Variants in CTNNA3 observed in about 807,000 individuals in gnomAD.
The protein encoded by CTNNA3 is catenin alpha 3.
CTNNA3 carries 76 observed loss-of-function variants against 95.7 expected under a neutral mutation model. The observed-to-expected ratio is 0.79, with a 90% confidence interval of 0.66 to 0.96. The LOEUF (loss-of-function observed/expected upper bound fraction) is 0.96. Ranked by LOEUF, CTNNA3 falls within the 40% of genes least tolerant of loss-of-function variation. CTNNA3 has a pLI of 0.00. For missense variants in CTNNA3, 1,191 were observed against 1,089.8 expected (o/e 1.09, Z -1.31); for synonymous variants, 431 against 374.4 (o/e 1.15, Z -1.74).
chr10:67,706,529 C>T (rs578243972), intron 1 of CTNNA3, among the ~76,000 whole-genome samples: 2 of 151,906 alleles, frequency 1.3e-5, no homozygotes, highest in South Asian at 2.1e-4. Flanking sequence ...CTTGAAGATA[C>T]CAGAGCAGAA....
intron 5 of CTNNA3, among the ~76,000 whole-genome samples, chr10:67,349,596 T>G (rs1421305913): frequency 4.6e-5 from 7 of 152,172 alleles, no homozygotes; most frequent in Non-Finnish European, 1.0e-4. Context: ...AAGTTTCAAT[T>G]AATCAAGATA....
chr10:66,043,134 G>GAAAA (rs60278132), intron 15 of CTNNA3, among the ~76,000 whole-genome samples: 12 of 102,924 alleles, frequency 1.2e-4, no homozygotes, highest in East Asian at 2.8e-4. Context: ...TCCGGGTAAT[G>GAAAA]AAAAAAAAAA....
At chr10:67,129,528 CCCA>C (rs1314313531) in intron 7 of CTNNA3, among the ~76,000 whole-genome samples, 1 of 151,986 alleles carries the variant, frequency 6.6e-6, no homozygotes, top group East Asian at 1.9e-4. Context: ...ATAGGATTTC[CCCA>C]CGTCTACATA....
intron 15 of CTNNA3, among the ~76,000 whole-genome samples, chr10:66,054,017 A>G (rs896205434): frequency 6.6e-6 from 1 of 152,102 alleles, no homozygotes; most frequent in Non-Finnish European, 1.5e-5. Flanking sequence ...ACTTAACGTA[A>G]TATCTTACAT....
intron 13 of CTNNA3, among the ~76,000 whole-genome samples, chr10:66,185,042 T>A (rs1349796270): frequency 6.6e-6 from 1 of 152,220 alleles, no homozygotes; most frequent in Non-Finnish European, 1.5e-5. Context: ...TCATGTCCCA[T>A]GCAACTGTGT....
At chr10:67,499,261 C>G (rs756352302) in intron 5 of CTNNA3, among the ~76,000 whole-genome samples, 2 of 152,144 alleles carry the variant, frequency 1.3e-5, no homozygotes, top group African/African-American at 4.8e-5. Context: ...GTTGAACCAG[C>G]CTTGCATCCC....
At chr10:66,134,013 G>T (rs2083242201) in intron 13 of CTNNA3, among the ~76,000 whole-genome samples, 1 of 152,032 alleles carries the variant, frequency 6.6e-6, no homozygotes, top group South Asian at 2.1e-4. Context: ...ATAAAAGATT[G>T]ATAAATTCAA....
chr10:67,247,464 A>C (rs1159067003), intron 5 of CTNNA3, among the ~76,000 whole-genome samples: 1 of 152,240 alleles, frequency 6.6e-6, no homozygotes, highest in African/African-American at 2.4e-5. Context: ...ATACAAGATG[A>C]GTATATTGAA....
chr10:66,082,515 C>T (rs549745729), intron 14 of CTNNA3, among the ~76,000 whole-genome samples: 24 of 152,034 alleles, frequency 1.6e-4, no homozygotes, highest in Admixed American at 1.3e-3. Context: ...ATGTTGAATC[C>T]TAGAACAGAA....
intron 5 of CTNNA3, among the ~76,000 whole-genome samples, chr10:67,520,443 C>T (rs542872522): frequency 3.2e-4 from 48 of 152,184 alleles, no homozygotes; most frequent in Non-Finnish European, 5.7e-4. Context: ...TCAAATACCC[C>T]TCCATGGTAA....
chr10:67,119,054 C>A (rs1250663829), intron 7 of CTNNA3, among the ~76,000 whole-genome samples: 1 of 151,710 alleles, frequency 6.6e-6, no homozygotes, highest in Non-Finnish European at 1.5e-5. Flanking sequence ...AGAAAGTAGG[C>A]CAATATAACT....
chr10:67,452,243 A>G (rs1748469368), intron 5 of CTNNA3, among the ~76,000 whole-genome samples: 1 of 152,204 alleles, frequency 6.6e-6, no homozygotes, highest in Non-Finnish European at 1.5e-5. Flanking sequence ...ACCCTGTGAA[A>G]AACTAATATT....
At chr10:66,434,806 T>C (rs1001231443) in intron 11 of CTNNA3, among the ~76,000 whole-genome samples, 1 of 152,208 alleles carries the variant, frequency 6.6e-6, no homozygotes, top group Non-Finnish European at 1.5e-5. Context: ...CTTATTATTT[T>C]GAGATATGTT....
chr10:66,154,725 T>TATATATATATATATATATATAC (rs2084394529), intron 13 of CTNNA3, among the ~76,000 whole-genome samples: 1 of 138,424 alleles, frequency 7.2e-6, no homozygotes, highest in South Asian at 2.4e-4. Flanking sequence ...AGTTCATATA[T>TATATATATATATATATATATAC]ATATATATAT....
chr10:66,209,688 G>A (rs1163945794), intron 13 of CTNNA3, among the ~76,000 whole-genome samples: 1 of 152,042 alleles, frequency 6.6e-6, no homozygotes, highest in East Asian at 1.9e-4. Context: ...AGGAGTCAGG[G>A]ATAAGCCAAT....
intron 11 of CTNNA3, among the ~76,000 whole-genome samples, chr10:66,403,339 T>C (rs1026646771): frequency 2.0e-5 from 3 of 152,120 alleles, no homozygotes; most frequent in Admixed American, 1.3e-4. Context: ...AAGACATACC[T>C]GTGACCAGGT....
At chr10:66,356,537 C>T (rs557391469) in intron 12 of CTNNA3, among the ~76,000 whole-genome samples, 2 of 151,958 alleles carry the variant, frequency 1.3e-5, no homozygotes, top group East Asian at 1.9e-4. Context: ...CTTTGGAATT[C>T]ACAATCATGT....
At chr10:67,338,263 G>A (rs1842062709) in intron 5 of CTNNA3, among the ~76,000 whole-genome samples, 1 of 152,168 alleles carries the variant, frequency 6.6e-6, no homozygotes, top group Admixed American at 6.5e-5. Context: ...AGGGAAGCTG[G>A]CTTGTCACAT....
intron 5 of CTNNA3, among the ~76,000 whole-genome samples, chr10:67,341,925 T>C (rs568430456): frequency 1.3e-5 from 2 of 152,074 alleles, no homozygotes; most frequent in African/African-American, 4.8e-5. Context: ...ATAGTCTTGC[T>C]TTGCATTTTT....
Sources: allele counts gnomAD v4.1 joint callset (sites outside exome capture counted in the v4.1 genomes callset), GRCh38; gene constraint gnomAD v4.1.1; transcripts MANE v1.5; gene names NCBI Gene and HGNC (gene_info 2026-07-23, HGNC 2026-07-21).